Variants in KDM6A observed in about 807,000 individuals in gnomAD.
The protein encoded by KDM6A is lysine-specific demethylase 6A.
KDM6A carries 11 observed loss-of-function variants against 117.6 expected under a neutral mutation model. That is an observed-to-expected ratio of 0.09 (90% confidence interval 0.06 to 0.15). The LOEUF (loss-of-function observed/expected upper bound fraction) is 0.15. Among genes scored for constraint, KDM6A ranks in the 10% least tolerant of loss-of-function variants. KDM6A has a pLI of 1.00. For synonymous variants in KDM6A, 384 were observed against 396.1 expected (o/e 0.97, Z 0.36); for missense variants, 799 against 1,077.3 (o/e 0.74, Z 3.62).
At chrX:45,077,867 C>A (rs1431050541) in intron 19 of KDM6A, among the ~76,000 whole-genome samples, 1 of 111,261 alleles carries the variant, frequency 9.0e-6, no homozygotes, top group Non-Finnish European at 1.9e-5. Context: ...TGGTGTCCAA[C>A]CAATCTCCAG....
chrX:44,902,599 A>G (rs1042477747), intron 2 of KDM6A, among the ~76,000 whole-genome samples: 2 of 111,363 alleles, frequency 1.8e-5, no homozygotes, highest in Admixed American at 9.5e-5. Context: ...CATGTTGGCC[A>G]GGCTGGTCTT....
At chrX:44,878,772 A>T (rs1368237662) in intron 2 of KDM6A, among the ~76,000 whole-genome samples, 1 of 109,988 alleles carries the variant, frequency 9.1e-6, no homozygotes, top group Non-Finnish European at 1.9e-5. Flanking sequence ...CCCAGGCTGG[A>T]GTGCAGTAGA....
At chrX:44,922,186 A>G (rs2035999523) in intron 2 of KDM6A, among the ~76,000 whole-genome samples, 1 of 101,728 alleles carries the variant, frequency 9.8e-6, no homozygotes, top group Non-Finnish European at 2.0e-5. Context: ...TGGGATTACA[A>G]GTGTGCACCA....
intron 2 of KDM6A, among the ~76,000 whole-genome samples, chrX:44,950,101 C>A (rs1382962883): frequency 9.1e-6 from 1 of 109,934 alleles, no homozygotes; most frequent in Non-Finnish European, 1.9e-5. Flanking sequence ...ACTGCAAGCT[C>A]CGCCTCCCGG....
intron 4 of KDM6A, among the ~76,000 whole-genome samples, chrX:44,985,460 A>G (rs938435807): frequency 1.5e-4 from 17 of 111,486 alleles, no homozygotes; most frequent in African/African-American, 3.9e-4. Flanking sequence ...AATAGGAGTG[A>G]TGAGAGAGGG....
chrX:44,973,728 C>T (rs770939204), intron 3 of KDM6A, among the ~76,000 whole-genome samples: 63 of 110,535 alleles, frequency 5.7e-4, no homozygotes, highest in Admixed American at 6.7e-4. Flanking sequence ...GTTAGACCTC[C>T]GGGGCACAGT....
chrX:44,937,036 T>TA (rs915243075), intron 2 of KDM6A, among the ~76,000 whole-genome samples: 5 of 111,411 alleles, frequency 4.5e-5, no homozygotes, highest in African/African-American at 1.6e-4. Context: ...ATGATTACTA[T>TA]AGATTGCATT....
intron 21 of KDM6A, among the ~76,000 whole-genome samples, chrX:45,079,826 G>A (rs1205065574): frequency 8.9e-6 from 1 of 112,518 alleles, no homozygotes; most frequent in African/African-American, 3.2e-5. Flanking sequence ...GATTACAGGC[G>A]TGAGCCACCG....
At chrX:44,955,221 T>A (rs181075679) in intron 2 of KDM6A, among the ~76,000 whole-genome samples, 1 of 111,324 alleles carries the variant, frequency 9.0e-6, no homozygotes, top group Non-Finnish European at 1.9e-5. Flanking sequence ...TGCACAAAAG[T>A]GACTCTTGGG....
At chrX:44,920,634 T>TGGTG (rs2035866901) in intron 2 of KDM6A, among the ~76,000 whole-genome samples, 1 of 108,587 alleles carries the variant, frequency 9.2e-6, no homozygotes, top group Non-Finnish European at 1.9e-5. Context: ...GAGACAGGGT[T>TGGTG]TCACCATGTT....
chrX:45,063,324 C>T, intron 16 of KDM6A, 98 bp from the exon 17 acceptor site: 1 of 815,963 alleles, frequency 1.2e-6, no homozygotes, highest in Non-Finnish European at 1.8e-6. Context: ...AATTATACAT[C>T]TTCATATTCA....
At chrX:45,013,282 T>A (rs770145999) in intron 5 of KDM6A, among the ~76,000 whole-genome samples, 12 of 111,684 alleles carry the variant, frequency 1.1e-4, no homozygotes, top group Middle Eastern at 4.2e-3. Flanking sequence ...GTATTTGTCA[T>A]TGTTCACTTG....
At position 45,078,475 on chromosome X, in the gene KDM6A, A is replaced by G. The variant is rs1320981036; in HGVS notation, c.3064A>G (p.Ile1022Val). 8.3e-7 allele frequency: 1 copy of G among 1,209,150 alleles called. No homozygotes were observed. Among genetic ancestry groups the G allele is most frequent in the East Asian group, 3.0e-5 (1 of 33,721 alleles). The change falls in exon 20 of 30, where the codon ATA (isoleucine) becomes GTA (valine). Residue 1022 changes from isoleucine (I) to valine (V), a missense_variant. Physicochemically the swap from Ile to Val is conservative, Grantham distance 29. Coordinates refer to ENST00000611820, the MANE Select transcript of KDM6A (RefSeq NM_001291415.2). Reference sequence around the variant, plus strand: ...AAATCCGAACAACCCTGTTACAGTAATACGTGGCCTTGCTGGAGCTCTTAA... The same window carrying G: ...AAATCCGAACAACCCTGTTACAGTAGTACGTGGCCTTGCTGGAGCTCTTAA... ...CTNPNNPVTV[I>V]RGLAGALKLD...
intron 2 of KDM6A, among the ~76,000 whole-genome samples, chrX:44,952,886 A>G (rs2038099735): frequency 1.8e-5 from 2 of 109,178 alleles, no homozygotes; most frequent in South Asian, 8.0e-4. Context: ...AAGTGATCCT[A>G]CCACCTCTCA....
intron 2 of KDM6A, among the ~76,000 whole-genome samples, chrX:44,955,758 T>C (rs759509358): frequency 3.6e-5 from 4 of 111,664 alleles, no homozygotes; most frequent in African/African-American, 1.3e-4. Flanking sequence ...TAGTCTTTTA[T>C]TGAGAAAGTT....
intron 8 of KDM6A, among the ~76,000 whole-genome samples, chrX:45,042,257 G>C (rs1264075998): frequency 3.2e-4 from 3 of 9,424 alleles, no homozygotes; most frequent in Admixed American, 1.7e-3. Context: ...AGACCGTGGA[G>C]GGAGAGGGGA....
At chrX:44,985,982 T>C (rs1306106815) in intron 4 of KDM6A, among the ~76,000 whole-genome samples, 4 of 112,049 alleles carry the variant, frequency 3.6e-5, no homozygotes, top group Non-Finnish European at 7.5e-5. Flanking sequence ...TCAGAAGGAA[T>C]GGTACCAGCT....
At chrX:44,960,320 G>A (rs1005986801) in intron 2 of KDM6A, among the ~76,000 whole-genome samples, 6 of 111,317 alleles carry the variant, frequency 5.4e-5, no homozygotes, top group Non-Finnish European at 1.1e-4. Context: ...GCAATGTTAC[G>A]GAGCACTTAA....
At chrX:44,933,465 G>C (rs147917918) in intron 2 of KDM6A, among the ~76,000 whole-genome samples, 5,153 of 107,665 alleles carry the variant, frequency 0.048, 339 homozygotes, top group African/African-American at 0.17. Flanking sequence ...AGTGAAGACA[G>C]GGTTACGCTA....
Sources: allele counts gnomAD v4.1 joint callset (sites outside exome capture counted in the v4.1 genomes callset), GRCh38; gene constraint gnomAD v4.1.1; transcripts MANE v1.5; gene names NCBI Gene and HGNC (gene_info 2026-07-23, HGNC 2026-07-21).